The following PIGF variants were observed in gnomAD, a reference collection of about 807,000 sequenced individuals.
PIGF encodes the protein GPI ethanolamine phosphate transferase, stabilizing subunit.
In PIGF, 23 loss-of-function variants were observed where a neutral mutation model predicts 26.0. The ratio of observed to expected loss-of-function variants is 0.88; its 90% CI spans 0.64 to 1.25. The LOEUF (loss-of-function observed/expected upper bound fraction) is 1.25, where lower values mean the gene tolerates loss of function less well. Ranked by LOEUF, PIGF falls within the 50% of genes most tolerant of loss-of-function variation. The pLI is 0.00. For synonymous variants in PIGF, 93 were observed against 92.6 expected, an observed-to-expected ratio of 1.00 and a Z score of -0.03; for missense variants, 278 against 249.9, an observed-to-expected ratio of 1.11 and a Z score of -0.76.
chr2:46,600,900 T>C (rs926739503), intron 4 of PIGF, among the ~76,000 whole-genome samples: 34 of 152,060 alleles, frequency 2.2e-4, no homozygotes, highest in African/African-American at 7.5e-4. Flanking sequence ...TTTAACTATT[T>C]TGTTTTAAAA....
intron 4 of PIGF, among the ~76,000 whole-genome samples, chr2:46,594,581 G>A (rs969527684): frequency 3.3e-5 from 5 of 151,266 alleles, no homozygotes; most frequent in Non-Finnish European, 2.9e-5. Context: ...TGTTGCCCAG[G>A]CTGGAGTGTA....
At chr2:46,604,960 T>G (rs1420260444) in intron 4 of PIGF, among the ~76,000 whole-genome samples, 2 of 151,918 alleles carry the variant, frequency 1.3e-5, no homozygotes, top group African/African-American at 2.4e-5. Flanking sequence ...AAATATCTCA[T>G]GTACTCCAGA....
Position 46,583,619 on chromosome 2 carries a change from TA to T in PIGF, c.547-2029del, listed in dbSNP as rs34098574. 1.5e-3 allele frequency among the ~76,000 whole-genome samples: 232 copies of T among 152,246 alleles called. 1 individual carries two copies. Among genetic ancestry groups the T allele is most frequent in the Non-Finnish European group, 2.6e-3 (178 of 67,976 alleles). ...CAAAAATCCTTCCTGTCACTTTAAC[TA>T]AAAACCAAAGATTTGTTTTCTATTG... On this transcript the variant is annotated intron_variant, in intron 5 of 5. Transcript: ENST00000281382.
chr2:46,591,676 C>T, intron 5 of PIGF: 1 of 1,041,454 alleles, frequency 9.6e-7, no homozygotes, highest in Non-Finnish European at 1.2e-6. Flanking sequence ...TAATGGCATA[C>T]TACAAAGTCA....
At chr2:46,596,676 ATAAAT>A (rs1045952842) in intron 4 of PIGF, among the ~76,000 whole-genome samples, 2 of 151,802 alleles carry the variant, frequency 1.3e-5, no homozygotes, top group Admixed American at 1.3e-4. Context: ...AAAAAAAAAC[ATAAAT>A]TAAGTATAGA....
chr2:46,581,685 T>C (rs994329281), intron 5 of PIGF, 94 bp from the exon 6 acceptor site: 257 of 1,478,374 alleles, frequency 1.7e-4, no homozygotes, highest in Middle Eastern at 5.0e-4. Flanking sequence ...TAAAGCTTAA[T>C]GTGCTTTCTT....
chr2:46,612,344 C>G lies in PIGF; in HGVS notation c.321G>C (p.Glu107Asp). 8.4e-7 allele frequency: 1 copy of G among 1,184,112 alleles called. No homozygotes were observed. 73.4% of individuals were successfully genotyped at this position (1,184,112 alleles called of 1,614,324 possible). Residue 107 changes from glutamate (E) to aspartate (D), a missense_variant and splice_region_variant, in exon 4 of 6, where the codon GAG becomes GAC. Physicochemically the swap from Glu to Asp is conservative, Grantham distance 45 (BLOSUM62 2). Transcript: ENST00000281382. The stretch of plus-strand genomic sequence containing the variant: ...CAAATAAAAATGTTTCCAATGCCAA[C>G]CTAGAAAAAAAAAAAGATTACTTTT... ...IFVLYGAPLIELALETFLFAV... is the reference protein window; with the variant it reads ...IFVLYGAPLIDLALETFLFAV...
At position 46,589,884 on chromosome 2, in the gene PIGF, A is replaced by C. The variant is rs1018148954; in HGVS notation, c.546+2591T>G. Among the ~76,000 whole-genome samples the C allele has an allele frequency of 6.6e-5, 10 of 152,142 alleles. No individual in the cohort carries two copies. The highest frequency in any genetic ancestry group is 1.9e-4 in the East Asian group (1 of 5,190). On this transcript the variant is annotated intron_variant, in intron 5 of 5. Coordinates refer to ENST00000281382, the MANE Select transcript of PIGF (RefSeq NM_002643.4). The surrounding 1 kb of genome is among the most constrained non-coding windows in gnomAD (Gnocchi z 4.7). ...GCTGGAAATAAAAAGTGAAAAAAAA[A>C]CCTCATTTCTTTAGTTTATTAGTAA...
intron 5 of PIGF, among the ~76,000 whole-genome samples, chr2:46,584,762 C>T (rs369771474): frequency 6.6e-6 from 1 of 152,062 alleles, no homozygotes; most frequent in Non-Finnish European, 1.5e-5. Flanking sequence ...AATCGTAACC[C>T]TGTCATTTTT....
intron 4 of PIGF, among the ~76,000 whole-genome samples, chr2:46,608,410 C>A (rs1189868535): frequency 6.6e-6 from 1 of 152,164 alleles, no homozygotes; most frequent in Non-Finnish European, 1.5e-5. Context: ...CACTGAAGTC[C>A]TGAACCTCTC....
rs1669656517 is a variant in PIGF at position 46,589,006 on chromosome 2, G to A, written c.546+3469C>T. ...TGTCAGCAACTATAAGCTTTCTCTA[G>A]AAGTTGAAAAAGCCTATCTGGATTA... is the stretch of plus-strand genomic sequence containing the variant. On this transcript the variant is annotated intron_variant, in intron 5 of 5. Coordinates refer to ENST00000281382, the MANE Select transcript of PIGF (RefSeq NM_002643.4). The surrounding 1 kb of genome is among the most constrained non-coding windows in gnomAD (Gnocchi z 4.7). 6.6e-6 allele frequency among the ~76,000 whole-genome samples: 1 copy of A among 152,062 alleles called. No homozygotes were observed. The highest frequency in any genetic ancestry group is 2.4e-5 in the African/African-American group (1 of 41,436).
chr2:46,600,281 C>A (rs1670016641), intron 4 of PIGF, among the ~76,000 whole-genome samples: 1 of 152,168 alleles, frequency 6.6e-6, no homozygotes, highest in Non-Finnish European at 1.5e-5. Context: ...GGGGTATATA[C>A]ATATTCTTCA....
chr2:46,594,749 T>G (rs1669828694), intron 4 of PIGF, among the ~76,000 whole-genome samples: 1 of 151,972 alleles, frequency 6.6e-6, no homozygotes, highest in African/African-American at 2.4e-5. Context: ...TTGGCCAGGC[T>G]GGTCTCGAAC....
chr2:46,608,271 C>G (rs1037190216), intron 4 of PIGF, among the ~76,000 whole-genome samples: 1 of 152,222 alleles, frequency 6.6e-6, no homozygotes, highest in African/African-American at 2.4e-5. Context: ...CATTTTCTTT[C>G]TCATCCAGAA....
chr2:46,598,502 T>A (rs981476693), intron 4 of PIGF, among the ~76,000 whole-genome samples: 2 of 150,824 alleles, frequency 1.3e-5, no homozygotes, highest in Non-Finnish European at 3.0e-5. Flanking sequence ...CAACACAAAT[T>A]CATAAACTTT....
At chr2:46,599,549 A>G (rs1669992447) in intron 4 of PIGF, among the ~76,000 whole-genome samples, 1 of 152,078 alleles carries the variant, frequency 6.6e-6, no homozygotes, top group South Asian at 2.1e-4. Context: ...CCATGCTAAA[A>G]CCTGACTTTC....
intron 4 of PIGF, among the ~76,000 whole-genome samples, chr2:46,606,737 C>T (rs1029653287): frequency 6.6e-6 from 1 of 152,178 alleles, no homozygotes; most frequent in Non-Finnish European, 1.5e-5. Context: ...CCAGCAATCC[C>T]GCTCCAAGGC....
Position 46,606,548 on chromosome 2 carries a change from TA to T in PIGF, c.437+5679del, listed in dbSNP as rs1670228671. ...AGGTAATTTTCAATGCTGAAATGAG[TA>T]ATCTTATATATTCAACATTTTGTAA... On this transcript the variant is annotated intron_variant, in intron 4 of 5. Coordinates refer to ENST00000281382, the MANE Select transcript of PIGF (RefSeq NM_002643.4). 3.9e-5 allele frequency among the ~76,000 whole-genome samples: 6 copies of T among 152,216 alleles called. No individual in the cohort carries two copies. The South Asian group carries it at 1.2e-3, about 31-fold the overall frequency.
In PIGF at chr2:46,617,012, T is replaced by G. The variant is rs1467182648; in HGVS notation, c.-64A>C. On this transcript the variant is annotated 5_prime_UTR_variant, in exon 1 of 6. Coordinates refer to ENST00000281382, the MANE Select transcript of PIGF (RefSeq NM_002643.4). ...GGAAGGGAAGCGGGGAACTACTGCC[T>G]CCTACCATCAGGTACGACGGGCGGC... is the stretch of plus-strand genomic sequence containing the variant. 1 of 578,144 alleles carries G rather than the reference T, an allele frequency of 1.7e-6. No individual in the cohort carries two copies. Among genetic ancestry groups the G allele is most frequent in the Middle Eastern group, 4.6e-4 (1 of 2,156 alleles). The allele number at this position is 578,144 out of a possible 1,614,324, so 35.8% of individuals were successfully genotyped here.
Sources: gnomAD v4.1 joint callset for allele counts (sites outside exome capture counted in the v4.1 genomes callset) on GRCh38, gnomAD v4.1.1 for gene constraint, Gnocchi (gnomAD v3.1) non-coding constraint, MANE v1.5 for transcripts, NCBI Gene and HGNC (gene_info 2026-07-23, HGNC 2026-07-21) for gene names.